Variants in OCRL observed in about 807,000 individuals in gnomAD.
The protein encoded by OCRL is OCRL inositol polyphosphate-5-phosphatase, also known as inositol polyphosphate 5-phosphatase OCRL.
OCRL carries 8 observed loss-of-function variants against 78.9 expected under a neutral mutation model. The ratio of observed to expected loss-of-function variants is 0.10; its 90% CI spans 0.06 to 0.18. The LOEUF is 0.18. Ranked by LOEUF, OCRL falls within the 10% of genes least tolerant of loss-of-function variation. OCRL has a pLI of 1.00. For synonymous variants in OCRL, 240 were observed against 235.4 expected (o/e 1.02, Z -0.18); for missense variants, 454 against 696.7 (o/e 0.65, Z 3.92).
In OCRL at chrX:129,590,317, C is replaced by G; in HGVS notation, c.*47C>G. 8.4e-7 allele frequency: 1 copy of G among 1,197,447 alleles called. No homozygotes were observed. The highest frequency in any genetic ancestry group is 1.1e-6 in the Non-Finnish European group (1 of 884,382). The stretch of plus-strand genomic sequence containing the variant: ...TTCTAGAAGCAGACGATCTCGGGCT[C>G]CAAGTATTTCAGAATGATTTAAAAA... On this transcript the variant is annotated 3_prime_UTR_variant, in exon 24 of 24. Coordinates refer to ENST00000371113, the MANE Select transcript of OCRL (RefSeq NM_000276.4).
chrX:129,562,617 G>T lies in OCRL; in HGVS notation c.1075G>T (p.Ala359Ser). 8.3e-7 allele frequency: 1 copy of T among 1,211,524 alleles called. No individual in the cohort carries two copies. The highest frequency in any genetic ancestry group is 1.1e-6 in the Non-Finnish European group (1 of 895,161). ...CTAACAGGGAAACAAAGGTGGGGTA[G>T]CTGTGAGATTTGTATTTCACAACAC... is the stretch of plus-strand genomic sequence containing the variant. The part of the protein sequence containing the change: ...MGKMGNKGGV[A>S]VRFVFHNTTF... The change falls in exon 12 of 24, where the codon GCT becomes TCT. Residue 359 changes from alanine (A) to serine (S), a missense_variant. Ala to Ser is a moderately conservative substitution (Grantham distance 99, BLOSUM62 1). Transcript: ENST00000371113.
intron 15 of OCRL, among the ~76,000 whole-genome samples, chrX:129,574,146 C>G (rs1205500159): frequency 8.9e-6 from 1 of 112,166 alleles, no homozygotes; most frequent in Non-Finnish European, 1.9e-5. Flanking sequence ...AATTTACACT[C>G]CTACCAACAG....
chrX:129,590,039 C>T (rs1936567753), intron 23 of OCRL, 83 bp downstream of exon 23: 1 of 1,140,642 alleles, frequency 8.8e-7, no homozygotes, highest in Admixed American at 2.2e-5. Flanking sequence ...ACTGCATATG[C>T]AGGCACATGG....
At chrX:129,545,626 A>G (rs777692366) in intron 3 of OCRL, among the ~76,000 whole-genome samples, 1 of 112,177 alleles carries the variant, frequency 8.9e-6, no homozygotes, top group Admixed American at 9.5e-5. Context: ...AAACTTAAAA[A>G]TTGGGAGGTT....
intron 3 of OCRL, among the ~76,000 whole-genome samples, chrX:129,546,828 G>A (rs1935884733): frequency 8.9e-6 from 1 of 111,849 alleles, no homozygotes; most frequent in African/African-American, 3.3e-5. Context: ...TAGAACCTGG[G>A]AAAATATGTG....
rs777027787 is a variant in OCRL at position 129,565,887 on chromosome X, A to G, written c.1356+4A>G. ...GAGACTCTTGAAATTCGACCAGGTA[A>G]GTAAAGTTTCATTTTATAGGAACTT... On this transcript the variant is annotated splice_donor_region_variant and intron_variant, in intron 13 of 23. Coordinates refer to ENST00000371113, the MANE Select transcript of OCRL (RefSeq NM_000276.4). The G allele has an allele frequency of 3.5e-6, 4 of 1,137,183 alleles. No individual in the cohort carries two copies. The South Asian group carries it at 7.2e-5, about 21-fold the overall frequency. The allele number at this position is 1,137,183 out of a possible 1,213,427, so 93.7% of individuals were successfully genotyped here.
chrX:129,588,308 T>C, intron 21 of OCRL, 45 bp downstream of exon 21: 1 of 907,805 alleles, frequency 1.1e-6, no homozygotes, highest in South Asian at 2.0e-5. Flanking sequence ...GAGTACTTGA[T>C]CAAACTCTTC....
rs959108824 is a variant in OCRL, at chrX:129,554,411, C to T, written c.239-2914C>T. The T allele has an allele frequency of 1.8e-5, 2 of 110,886 alleles. 1 individual carries two copies. Among genetic ancestry groups the T allele is most frequent in the Admixed American group, 1.9e-4 (2 of 10,394 alleles). 9.1% of individuals were successfully genotyped at this position (110,886 alleles called of 1,213,427 possible). On this transcript the variant is annotated intron_variant, in intron 4 of 23. Transcript: ENST00000371113. The stretch of plus-strand genomic sequence containing the variant: ...TTTTAAAGGGACCCAAAATTAATGG[C>T]AGGAGATCGAGTGGAGAGAAAGTCT...
intron 14 of OCRL, among the ~76,000 whole-genome samples, chrX:129,567,901 C>A (rs964597549): frequency 4.7e-5 from 5 of 105,475 alleles, no homozygotes; most frequent in East Asian, 2.9e-4. Flanking sequence ...TTTAGTAGAC[C>A]CTTTTTTTTT....
intron 4 of OCRL, among the ~76,000 whole-genome samples, chrX:129,554,948 A>AAAATAAATAAATAAATAAAT (rs765929333): frequency 1.2e-5 from 1 of 84,673 alleles, no homozygotes; most frequent in Non-Finnish European, 2.3e-5. Context: ...ACTCCTTCTC[A>AAAATAAATAAATAAATAAAT]AAATAAATAA....
chrX:129,546,775 A>G (rs1264927923), intron 3 of OCRL, among the ~76,000 whole-genome samples: 4 of 112,061 alleles, frequency 3.6e-5, no homozygotes, highest in African/African-American at 1.3e-4. Context: ...AGTATTTTTA[A>G]TAAGAAATCA....
intron 2 of OCRL, among the ~76,000 whole-genome samples, chrX:129,543,267 T>A (rs779119368): frequency 4.4e-5 from 5 of 112,916 alleles, no homozygotes; most frequent in African/African-American, 1.6e-4. Context: ...GGGTAACACG[T>A]AGTAAATACT....
intron 12 of OCRL, among the ~76,000 whole-genome samples, chrX:129,564,367 C>T (rs1338974569): frequency 9.1e-6 from 1 of 110,305 alleles, no homozygotes; most frequent in Non-Finnish European, 1.9e-5. Context: ...CATCCCATTA[C>T]TGGGTATATA....
intron 23 of OCRL, 60 bp downstream of exon 23, chrX:129,590,016 C>T: frequency 4.5e-6 from 5 of 1,119,046 alleles, no homozygotes; most frequent in African/African-American, 1.8e-5. Context: ...GCATTGTATC[C>T]AGTATATACC....
intron 14 of OCRL, among the ~76,000 whole-genome samples, chrX:129,568,082 T>G (rs989400146): frequency 1.8e-5 from 2 of 108,552 alleles, no homozygotes; most frequent in Non-Finnish European, 3.8e-5. Flanking sequence ...CCCGGCTAAT[T>G]TTTTGTATTT....
chrX:129,544,461 G>C (rs940538227), intron 2 of OCRL, among the ~76,000 whole-genome samples: 1 of 111,656 alleles, frequency 9.0e-6, no homozygotes, highest in Non-Finnish European at 1.9e-5. Context: ...CTGAATGCTT[G>C]TTTGAAGAGA....
chrX:129,583,885 G>A (rs1371421210), intron 18 of OCRL, among the ~76,000 whole-genome samples: 1 of 111,375 alleles, frequency 9.0e-6, no homozygotes, highest in African/African-American at 3.3e-5. Flanking sequence ...AATCTGGGAT[G>A]CTGCTTAGGA....
At chrX:129,564,452 C>G (rs967325813) in intron 12 of OCRL, among the ~76,000 whole-genome samples, 3 of 110,635 alleles carry the variant, frequency 2.7e-5, no homozygotes, top group African/African-American at 1.0e-4. Flanking sequence ...TTCACAATAG[C>G]AAAGACTTGG....
intron 14 of OCRL, 97 bp from the exon 15 acceptor site, chrX:129,569,167 A>G (rs1317548897): frequency 5.2e-6 from 5 of 960,533 alleles, no homozygotes; most frequent in Non-Finnish European, 7.5e-6. Context: ...CTTTGGGAGC[A>G]TGTAACAAGA....
Sources: allele counts gnomAD v4.1 joint callset (sites outside exome capture counted in the v4.1 genomes callset), GRCh38; gene constraint gnomAD v4.1.1; transcripts MANE v1.5; gene names NCBI Gene and HGNC (gene_info 2026-07-23, HGNC 2026-07-21).